The following MAPT variants were observed in gnomAD, a reference collection of about 807,000 sequenced individuals.
The protein encoded by MAPT is microtubule associated protein tau, also known as microtubule-associated protein tau.
A neutral mutation model predicts 67.9 loss-of-function variants in MAPT; 34 were observed. That is an observed-to-expected ratio of 0.50 (90% CI 0.38 to 0.67). The LOEUF is 0.67. Among genes scored for constraint, MAPT ranks in the 30% least tolerant of loss-of-function variants. The pLI, the probability that MAPT is intolerant of heterozygous loss-of-function variation, is 0.00. For synonymous variants in MAPT, 456 were observed against 464.5 expected, an observed-to-expected ratio of 0.98 and a Z score of 0.23; for missense variants, 881 against 1,115.2, an observed-to-expected ratio of 0.79 and a Z score of 2.99.
At chr17:46,009,893 G>GGT (rs1384534354) in intron 9 of MAPT, among the ~76,000 whole-genome samples, 1 of 152,224 alleles carries the variant, frequency 6.6e-6, no homozygotes. Context: ...GGTCTAGCCA[G>GGT]GTGTGAGTGG....
intron 9 of MAPT, among the ~76,000 whole-genome samples, chr17:46,001,645 A>G (rs2075009988): frequency 6.6e-6 from 1 of 152,190 alleles, no homozygotes; most frequent in Non-Finnish European, 1.5e-5. Context: ...CCTGGGCAAC[A>G]CAGTGAGACT....
intron 1 of MAPT, among the ~76,000 whole-genome samples, chr17:45,930,578 C>T (rs1276420860): frequency 2.0e-5 from 3 of 152,212 alleles, no homozygotes; most frequent in Non-Finnish European, 2.9e-5. Flanking sequence ...GGTTAAGTCA[C>T]TTGTCCCAGG....
chr17:45,931,280 A>G (rs2066827642), intron 1 of MAPT, among the ~76,000 whole-genome samples: 1 of 152,214 alleles, frequency 6.6e-6, no homozygotes, highest in Non-Finnish European at 1.5e-5. Context: ...TGATTGTCAG[A>G]AATAATCGTG....
At chr17:45,998,587 C>T (rs1420723148) in intron 9 of MAPT, among the ~76,000 whole-genome samples, 2 of 152,120 alleles carry the variant, frequency 1.3e-5, no homozygotes, top group Admixed American at 6.5e-5. Context: ...AATTAAGGTC[C>T]GGCCTTTTCC....
chr17:46,010,688 T>C lies in MAPT; in HGVS notation c.2091+286T>C, dbSNP rs2075766935. On this transcript the variant is annotated intron_variant, in intron 10 of 12. Coordinates refer to ENST00000262410, the MANE Select transcript of MAPT (RefSeq NM_001377265.1). This position sits in a 1 kb window ranked among gnomAD's most constrained non-coding sequence, Gnocchi z 4.7. ...AGAATAGGGCAGATGACGGACCCTC[T>C]CTCCGGACCCTGCCTGGGAAGCTGA... 6.6e-6 allele frequency among the ~76,000 whole-genome samples: 1 copy of C among 152,118 alleles called. No homozygotes were observed. Among genetic ancestry groups the C allele is most frequent in the Non-Finnish European group, 1.5e-5 (1 of 68,008 alleles).
intron 1 of MAPT, among the ~76,000 whole-genome samples, chr17:45,919,796 C>G (rs1439100770): frequency 6.6e-6 from 1 of 152,148 alleles, no homozygotes; most frequent in Non-Finnish European, 1.5e-5. Context: ...ACCTGCAGTC[C>G]CTGCTACTCA....
chr17:45,920,308 G>A (rs1360791332), intron 1 of MAPT, among the ~76,000 whole-genome samples: 1 of 152,228 alleles, frequency 6.6e-6, no homozygotes, highest in Non-Finnish European at 1.5e-5. Context: ...GGCTAAGGCT[G>A]TGACAGCTAA....
At chr17:46,011,963 T>A (rs2075847300) in intron 10 of MAPT, among the ~76,000 whole-genome samples, 1 of 152,144 alleles carries the variant, frequency 6.6e-6, no homozygotes, top group Non-Finnish European at 1.5e-5. Flanking sequence ...CTCCTCTGTC[T>A]CCCACGCCCT....
intron 2 of MAPT, among the ~76,000 whole-genome samples, chr17:45,967,742 G>A (rs925239992): frequency 2.6e-5 from 4 of 152,098 alleles, no homozygotes; most frequent in African/African-American, 9.7e-5. Context: ...CAGGTGGAGT[G>A]CCTTTCTCGG....
At chr17:45,912,299 T>C (rs758195874) in intron 1 of MAPT, among the ~76,000 whole-genome samples, 1 of 152,240 alleles carries the variant, frequency 6.6e-6, no homozygotes, top group Non-Finnish European at 1.5e-5. Flanking sequence ...GTAAATGTGA[T>C]CTTATTTGGA....
chr17:46,016,333 GT>G (rs1230252841), intron 11 of MAPT, among the ~76,000 whole-genome samples: 1 of 151,088 alleles, frequency 6.6e-6, no homozygotes, highest in Non-Finnish European at 1.5e-5. Flanking sequence ...CAGAGGCTGA[GT>G]GAGCCAAGAT....
chr17:45,910,529 T>G (rs1298527534), intron 1 of MAPT, among the ~76,000 whole-genome samples: 1 of 152,132 alleles, frequency 6.6e-6, no homozygotes, highest in Non-Finnish European at 1.5e-5. Flanking sequence ...AAACTGCCAG[T>G]GCCTCACTGC....
At chr17:45,969,340 A>G (rs553035935) in intron 2 of MAPT, 6 of 152,610 alleles carry the variant, frequency 3.9e-5, no homozygotes, top group Non-Finnish European at 7.3e-5. Flanking sequence ...GAAGCTTTAC[A>G]TGTTACCATC....
intron 8 of MAPT, chr17:45,993,797 C>A: frequency 1.1e-6 from 1 of 875,334 alleles, no homozygotes; most frequent in Admixed American, 2.1e-5. Flanking sequence ...CCCCCTTGGG[C>A]CCCTCGACCT....
At chr17:45,974,784 C>A (rs1240838757) in intron 3 of MAPT, 3 of 402,110 alleles carry the variant, frequency 7.5e-6, no homozygotes, top group Non-Finnish European at 1.4e-5. Context: ...TGGTGGCAGA[C>A]CCGTGCCTTC....
intron 12 of MAPT, among the ~76,000 whole-genome samples, chr17:46,020,064 G>A (rs1263456870): frequency 2.6e-5 from 4 of 151,144 alleles, no homozygotes; most frequent in Non-Finnish European, 5.9e-5. Flanking sequence ...GATGTTTGCA[G>A]GCAACTAAAA....
intron 1 of MAPT, 47 bp from the exon 2 acceptor site, chr17:45,962,274 G>GC (rs2070518321): frequency 2.0e-6 from 3 of 1,528,662 alleles, no homozygotes; most frequent in Non-Finnish European, 2.7e-6. Flanking sequence ...CCCCCACTCT[G>GC]CCCCCCAACA....
rs1308504839 is a variant in MAPT at position 45,896,906 on chromosome 17, C to G, written c.-18+2220C>G. On this transcript the variant is annotated intron_variant, in intron 1 of 12. Transcript: ENST00000262410. The surrounding 1 kb of genome is among the most constrained non-coding windows in gnomAD (Gnocchi z 5.6). ...CGCACGGTTTTCTGGTTAATTCTAT[C>G]GCTGAAAACTGGTGCGGGGGGCGCA... 2 of 152,220 alleles carry G rather than the reference C, an allele frequency of 1.3e-5. No homozygotes were observed. Among genetic ancestry groups the G allele is most frequent in the African/African-American group, 4.8e-5 (2 of 41,450 alleles). 9.4% of individuals were successfully genotyped at this position (152,220 alleles called of 1,614,324 possible).
At chr17:45,936,984 T>C (rs2067390586) in intron 1 of MAPT, among the ~76,000 whole-genome samples, 1 of 152,216 alleles carries the variant, frequency 6.6e-6, no homozygotes, top group African/African-American at 2.4e-5. Flanking sequence ...GTCTGATTCA[T>C]GGCTCAAAGT....
Sources: allele counts gnomAD v4.1 joint callset (sites outside exome capture counted in the v4.1 genomes callset), GRCh38; gene constraint gnomAD v4.1.1; non-coding constraint Gnocchi (gnomAD v3.1); transcripts MANE v1.5; gene names NCBI Gene and HGNC (gene_info 2026-07-23, HGNC 2026-07-21).